DPP6: variants seen among roughly 807,000 people sequenced by gnomAD.
The protein encoded by DPP6 is A-type potassium channel modulatory protein DPP6.
Under a neutral mutation model 122.6 loss-of-function variants are expected in DPP6, and 69 were observed. That is an observed-to-expected ratio of 0.56 (90% CI 0.46 to 0.69). The LOEUF is 0.69. DPP6 is among the 30% of genes least tolerant of loss of function. The pLI is 0.00. For synonymous variants in DPP6, 418 were observed against 433.1 expected (o/e 0.97, Z 0.43); for missense variants, 928 against 1,116.9 (o/e 0.83, Z 2.41).
chr7:154,537,861 T>A (rs140373417), intron 3 of DPP6, among the ~76,000 whole-genome samples: 1 of 152,214 alleles, frequency 6.6e-6, no homozygotes, highest in African/African-American at 2.4e-5. Flanking sequence ...CATGGTAGAA[T>A]GGTTTGTAAT....
At position 154,282,347 on chromosome 7, in the gene DPP6, G is replaced by A. The variant is rs576855036; in HGVS notation, c.244-163867G>A. ...CCTCTGGATACACGTGTCCTTTGTGGCCTACAGAAGACTTTCTTACACAGT... is the reference window on the plus strand; with the variant it reads ...CCTCTGGATACACGTGTCCTTTGTGACCTACAGAAGACTTTCTTACACAGT... On this transcript the variant is annotated intron_variant, in intron 1 of 25. Transcript: ENST00000377770. This position sits in a 1 kb window ranked among gnomAD's most constrained non-coding sequence, Gnocchi z 4.8. Among the ~76,000 whole-genome samples the A allele has an allele frequency of 6.6e-6, 1 of 152,234 alleles. No individual in the cohort carries two copies. The highest frequency in any genetic ancestry group is 1.5e-5 in the Non-Finnish European group (1 of 68,020).
In DPP6 at chr7:154,401,222, A is replaced by AC. The variant is rs1190270373; in HGVS notation, c.244-44992_244-44991insC. ...AGAAAAAACAAAAACAAAAACAAAAAAAAAACAGGTATTACTGGCTGCCCC... is the reference window on the plus strand; with the variant it reads ...AGAAAAAACAAAAACAAAAACAAAAACAAAAACAGGTATTACTGGCTGCCCC... On this transcript the variant is annotated intron_variant, in intron 1 of 25. Coordinates refer to ENST00000377770, the MANE Select transcript of DPP6 (RefSeq NM_130797.4). 1.2e-4 allele frequency among the ~76,000 whole-genome samples: 18 copies of AC among 152,120 alleles called. No homozygotes were observed. In the East Asian group the frequency reaches 3.5e-3, roughly 29 times the overall value.
At position 154,500,399 on chromosome 7, in the gene DPP6, A is replaced by G. The variant is rs1825130530; in HGVS notation, c.457+25362A>G. ...CTATAAAAAGGAATAGTGAGAGATA[A>G]AGCTTATAATATGGTTTCGCTGTGT... On this transcript the variant is annotated intron_variant, in intron 3 of 25. Transcript: ENST00000377770. Among the ~76,000 whole-genome samples, 5 of 152,286 alleles carry G rather than the reference A, an allele frequency of 3.3e-5. No individual in the cohort carries two copies. In the South Asian group the frequency reaches 1.0e-3, roughly 32 times the overall value.
At chr7:154,432,280 A>G (rs997265893) in intron 1 of DPP6, among the ~76,000 whole-genome samples, 1 of 152,154 alleles carries the variant, frequency 6.6e-6, no homozygotes, top group Non-Finnish European at 1.5e-5. Context: ...AATTGCTTAT[A>G]TCATGCTGCT....
chr7:154,188,103 T>C (rs1798437713), intron 1 of DPP6, among the ~76,000 whole-genome samples: 1 of 151,988 alleles, frequency 6.6e-6, no homozygotes, highest in Admixed American at 6.5e-5. Context: ...TTGACTCTTC[T>C]GGTCACGCGT....
At chr7:153,979,778 C>A (rs892790792) in intron 1 of DPP6, among the ~76,000 whole-genome samples, 14 of 152,074 alleles carry the variant, frequency 9.2e-5, no homozygotes, top group African/African-American at 2.9e-4. Context: ...TTATCAAAGG[C>A]CTTTTCTGCA....
chr7:154,693,944 T>C (rs1840071939), intron 7 of DPP6, among the ~76,000 whole-genome samples: 2 of 152,194 alleles, frequency 1.3e-5, no homozygotes. Flanking sequence ...TGCAGATGTC[T>C]CCATCTGTTA....
intron 21 of DPP6, chr7:154,883,903 TACAC>T (rs947075930): frequency 8.4e-6 from 1 of 118,354 alleles, no homozygotes. Flanking sequence ...ACACATTACA[TACAC>T]ATGCTCACAC....
Position 154,889,513 on chromosome 7 carries a change from G to C in DPP6, c.2434G>C (p.Ala812Pro). ...CATTACACAACTAATTAGGGGAAAGGCTAATTACAGCTTACAGGTACAGTA... is the reference window on the plus strand; with the variant it reads ...CATTACACAACTAATTAGGGGAAAGCCTAATTACAGCTTACAGGTACAGTA... ...ELITQLIRGK[A>P]NYSLQIYPDE... is the part of the protein sequence containing the mutation. Residue 812 changes from alanine to proline, a missense_variant, in exon 25 of 26, where the codon GCT (alanine) becomes CCT (proline). Coordinates refer to ENST00000377770, the MANE Select transcript of DPP6 (RefSeq NM_130797.4). The C allele has an allele frequency of 6.2e-7, 1 of 1,609,024 alleles. No homozygotes were observed. Among genetic ancestry groups the C allele is most frequent in the African/African-American group, 1.3e-5 (1 of 74,328 alleles).
chr7:154,134,709 C>T (rs914958648), intron 1 of DPP6, among the ~76,000 whole-genome samples: 3 of 152,188 alleles, frequency 2.0e-5, no homozygotes, highest in African/African-American at 7.2e-5. Flanking sequence ...GCGTACACTT[C>T]CTGTGAGCTT....
At chr7:154,305,385 A>T in intron 1 of DPP6, 3 of 995,534 alleles carry the variant, frequency 3.0e-6, no homozygotes, top group Non-Finnish European at 3.6e-6. Context: ...TGATTTCGGA[A>T]GTATGGACTA....
intron 1 of DPP6, among the ~76,000 whole-genome samples, chr7:153,940,719 A>C (rs1046115529): frequency 1.3e-5 from 2 of 152,114 alleles, no homozygotes; most frequent in Non-Finnish European, 2.9e-5. Context: ...TAGAGAAGAG[A>C]GCCCACCTGG....
At chr7:154,204,387 A>G (rs1164206054) in intron 1 of DPP6, among the ~76,000 whole-genome samples, 1 of 152,222 alleles carries the variant, frequency 6.6e-6, no homozygotes. Context: ...GGCACTGGGC[A>G]CGCCACTCAA....
chr7:154,254,982 C>T (rs1445596182), intron 1 of DPP6, among the ~76,000 whole-genome samples: 1 of 151,924 alleles, frequency 6.6e-6, no homozygotes, highest in African/African-American at 2.4e-5. Context: ...TGCAAATTTT[C>T]CTTTTGCAAA....
At position 154,015,918 on chromosome 7, in the gene DPP6, C is replaced by G. The variant is rs534152854; in HGVS notation, c.51+128184C>G. Among the ~76,000 whole-genome samples, 273 of 152,282 alleles carry G rather than the reference C, an allele frequency of 1.8e-3. 2 individuals are homozygous for G. Among genetic ancestry groups the G allele is most frequent in the African/African-American group, 6.3e-3 (260 of 41,560 alleles). On this transcript the variant is annotated intron_variant, in intron 1 of 25. Coordinates refer to the DPP6 transcript ENST00000404039. Reference sequence around the variant, plus strand: ...AGTACCTGGCCTCCTTTGCACATCTCAGACCGAAGCTCCTTACTGACCTCT... The same window carrying G: ...AGTACCTGGCCTCCTTTGCACATCTGAGACCGAAGCTCCTTACTGACCTCT...
At chr7:154,117,517 C>T (rs1807078262) in intron 1 of DPP6, among the ~76,000 whole-genome samples, 1 of 152,150 alleles carries the variant, frequency 6.6e-6, no homozygotes, top group Non-Finnish European at 1.5e-5. Context: ...AATGTTTAGT[C>T]CTGACAATGC....
At chr7:154,802,067 G>A (rs1798401136) in intron 13 of DPP6, among the ~76,000 whole-genome samples, 1 of 152,110 alleles carries the variant, frequency 6.6e-6, no homozygotes, top group Admixed American at 6.5e-5. Context: ...ACCTCAGGGA[G>A]CCTCACGCCT....
At chr7:154,060,187 C>G (rs371543704) in intron 1 of DPP6, among the ~76,000 whole-genome samples, 4 of 142,596 alleles carry the variant, frequency 2.8e-5, no homozygotes, top group Non-Finnish European at 4.7e-5. Context: ...GCACCCCTCA[C>G]GACACGGGGA....
intron 10 of DPP6, among the ~76,000 whole-genome samples, chr7:154,784,847 A>G (rs1797245173): frequency 6.6e-6 from 1 of 152,184 alleles, no homozygotes; most frequent in African/African-American, 2.4e-5. Context: ...AATCATTCCC[A>G]TCCCCTTATC....
Sources: gnomAD v4.1 joint callset for allele counts (sites outside exome capture counted in the v4.1 genomes callset) on GRCh38, gnomAD v4.1.1 for gene constraint, Gnocchi (gnomAD v3.1) non-coding constraint, MANE v1.5 for transcripts, NCBI Gene and HGNC (gene_info 2026-07-23, HGNC 2026-07-21) for gene names.